TSPAN2: variants seen among roughly 807,000 people sequenced by gnomAD.
The protein encoded by TSPAN2 is tetraspanin-2.
TSPAN2 carries 24 observed loss-of-function variants against 33.3 expected under a neutral mutation model. The ratio of observed to expected loss-of-function variants is 0.72; its 90% CI spans 0.52 to 1.01. The LOEUF (loss-of-function observed/expected upper bound fraction) is 1.01, where lower values mean the gene tolerates loss of function less well. Among genes scored for constraint, TSPAN2 ranks in the 50% least tolerant of loss-of-function variants. The probability of loss-of-function intolerance (pLI) is 0.00; values close to 1 mark genes in which losing one functional copy is unlikely to be tolerated. For missense variants in TSPAN2, 278 were observed against 281.3 expected (o/e 0.99, Z 0.08); for synonymous variants, 114 against 104.5 (o/e 1.09, Z -0.56).
intron 1 of TSPAN2, among the ~76,000 whole-genome samples, chr1:115,075,444 C>G (rs12743321): frequency 6.6e-6 from 1 of 152,024 alleles, no homozygotes; most frequent in Non-Finnish European, 1.5e-5. Flanking sequence ...AGAGACAGGG[C>G]GATCACTGCT....
chr1:115,079,370 C>A lies in TSPAN2; in HGVS notation c.70-6363G>T, dbSNP rs138567359. Among the ~76,000 whole-genome samples the A allele has an allele frequency of 1.5e-3, 229 of 152,236 alleles. 1 individual carries two copies. Among genetic ancestry groups the A allele is most frequent in the East Asian group, 7.7e-4 (4 of 5,178 alleles). On this transcript the variant is annotated intron_variant, in intron 1 of 7. Transcript: ENST00000369516. ...TGGCAATTCTCATCCCCATTGGAAT[C>A]ACATAATGAGCACTTATGATTATTG...
At chr1:115,088,472 G>C (rs1648927247) in intron 1 of TSPAN2, among the ~76,000 whole-genome samples, 1 of 152,182 alleles carries the variant, frequency 6.6e-6, no homozygotes. Flanking sequence ...ACAATTTTCA[G>C]ACCTTGTCTC....
chr1:115,053,507 G>C, intron 6 of TSPAN2, 45 bp from the exon 7 acceptor site: 1 of 1,497,172 alleles, frequency 6.7e-7, no homozygotes. Flanking sequence ...GATTGTATGT[G>C]TCAGTCATTA....
chr1:115,061,666 AT>A (rs928100931), intron 3 of TSPAN2, among the ~76,000 whole-genome samples: 5 of 151,980 alleles, frequency 3.3e-5, no homozygotes, highest in African/African-American at 7.3e-5. Context: ...CAAAGATAAT[AT>A]TTTTTTTCTT....
intron 4 of TSPAN2, 42 bp downstream of exon 4, chr1:115,060,422 T>C (rs1242473730): frequency 1.4e-6 from 2 of 1,480,370 alleles, no homozygotes; most frequent in East Asian, 4.5e-5. Flanking sequence ...ATTCTAACAC[T>C]TTTAACCATC....
intron 4 of TSPAN2, among the ~76,000 whole-genome samples, chr1:115,059,474 T>C (rs1198630713): frequency 6.6e-6 from 1 of 152,220 alleles, no homozygotes; most frequent in East Asian, 1.9e-4. Context: ...GGGCCCCAGA[T>C]TCCTGGGCTC....
At chr1:115,059,167 T>C (rs59300194) in intron 4 of TSPAN2, among the ~76,000 whole-genome samples, 186 bp from the exon 5 acceptor site, 3,344 of 152,208 alleles carry the variant, frequency 0.022, 124 homozygotes, top group African/African-American at 0.075. Flanking sequence ...AGACTGCACA[T>C]TGGGTACAGT....
intron 1 of TSPAN2, 125 bp downstream of exon 1, chr1:115,089,239 G>C (rs531892302): frequency 2.8e-6 from 2 of 703,290 alleles, no homozygotes; most frequent in African/African-American, 3.7e-5. Context: ...TCGCCTCCGC[G>C]TTTGAGCACC....
rs1270544452 is a variant in TSPAN2 at position 115,062,216 on chromosome 1, A to C, written c.189T>G (p.Val63=). 6.3e-7 allele frequency: 1 copy of C among 1,592,528 alleles called. No individual in the cohort carries two copies. The highest frequency in any genetic ancestry group is 8.6e-7 in the Non-Finnish European group (1 of 1,169,270). ...CGGCCATCATCAGGGCCCCGGCTCC[A>C]ACCAGAACATACAGCCCTGTGGGGA... ...EYFYVGLYVL[V]GAGALMMAVG... Residue 63 remains valine (V), a synonymous_variant, in exon 3 of 8, where the codon GTT becomes GTG. Transcript: ENST00000369516.
At chr1:115,085,468 C>T (rs1375137969) in intron 1 of TSPAN2, among the ~76,000 whole-genome samples, 5 of 152,126 alleles carry the variant, frequency 3.3e-5, no homozygotes, top group African/African-American at 1.2e-4. Context: ...AGAACCTGTC[C>T]CACCTCTATG....
chr1:115,052,346 T>C (rs1455042874), intron 7 of TSPAN2, among the ~76,000 whole-genome samples: 1 of 152,166 alleles, frequency 6.6e-6, no homozygotes, highest in Non-Finnish European at 1.5e-5. Context: ...AGGCCATGAA[T>C]TAATCTACAT....
intron 4 of TSPAN2, 29 bp downstream of exon 4, chr1:115,060,435 A>G: frequency 6.5e-7 from 1 of 1,542,120 alleles, no homozygotes; most frequent in African/African-American, 1.4e-5. Flanking sequence ...TAACCATCAT[A>G]GAAAAACATT....
intron 4 of TSPAN2, among the ~76,000 whole-genome samples, chr1:115,060,059 C>T (rs1211700421): frequency 6.6e-6 from 1 of 152,118 alleles, no homozygotes; most frequent in Non-Finnish European, 1.5e-5. Flanking sequence ...AGGCTCTGCT[C>T]TTTGAGAATG....
chr1:115,082,034 G>T (rs1036729124), intron 1 of TSPAN2, among the ~76,000 whole-genome samples: 2 of 152,172 alleles, frequency 1.3e-5, no homozygotes, highest in African/African-American at 2.4e-5. Flanking sequence ...ATGAGTGAAA[G>T]AATAACTATA....
rs527242508 is a variant in TSPAN2, at chr1:115,049,029, C to T, written c.*1461G>A. 2 of 152,202 alleles carry T rather than the reference C, an allele frequency of 1.3e-5. No individual in the cohort carries two copies. Among genetic ancestry groups the T allele is most frequent in the South Asian group, 2.1e-4 (1 of 4,820 alleles). 9.4% of individuals were successfully genotyped at this position (152,202 alleles called of 1,614,324 possible). A position where few individuals can be genotyped will look rare whatever the true frequency, so the allele number is the denominator to read the frequency against. Reference sequence around the variant, plus strand: ...GCACACTCAAAGACTTGTGTTTTCACATGTATAGAAGTTCATCTGGGGGTT... The same window carrying T: ...GCACACTCAAAGACTTGTGTTTTCATATGTATAGAAGTTCATCTGGGGGTT... On this transcript the variant is annotated 3_prime_UTR_variant, in exon 8 of 8. Coordinates refer to ENST00000369516, the MANE Select transcript of TSPAN2 (RefSeq NM_005725.6).
Position 115,089,470 on chromosome 1 carries a change from CG to C in TSPAN2, c.-39del. ...CGGCGGGATCCCCAGTCCCCAGGCC[CG>C]CGCTACGAGCGCGGGGAGCGGCAGG... On this transcript the variant is annotated 5_prime_UTR_variant, in exon 1 of 8. Transcript: ENST00000369516. 7.0e-7 allele frequency: 1 copy of C among 1,423,874 alleles called. No individual in the cohort carries two copies. Among genetic ancestry groups the C allele is most frequent in the Admixed American group, 2.5e-5 (1 of 39,514 alleles). 88.2% of individuals were successfully genotyped at this position (1,423,874 alleles called of 1,614,324 possible). A position where few individuals can be genotyped will look rare whatever the true frequency, so the allele number is the denominator to read the frequency against.
intron 3 of TSPAN2, 92 bp from the exon 4 acceptor site, chr1:115,060,630 C>T (rs1049415787): frequency 3.0e-5 from 28 of 943,124 alleles, no homozygotes; most frequent in Non-Finnish European, 4.4e-5. Context: ...ATGGCTGAAT[C>T]GCTTTCATGT....
intron 1 of TSPAN2, among the ~76,000 whole-genome samples, chr1:115,073,905 G>A (rs536942266): frequency 3.3e-5 from 5 of 152,012 alleles, no homozygotes; most frequent in African/African-American, 7.3e-5. Context: ...TCATTGCTGC[G>A]TGCCAGCAGG....
chr1:115,080,622 A>C (rs975184434), intron 1 of TSPAN2, among the ~76,000 whole-genome samples: 2 of 152,234 alleles, frequency 1.3e-5, no homozygotes, highest in African/African-American at 4.8e-5. Context: ...GTCATAGACT[A>C]CTGGCTAAGG....
Sources: gnomAD v4.1 joint callset for allele counts (sites outside exome capture counted in the v4.1 genomes callset) on GRCh38, gnomAD v4.1.1 for gene constraint, MANE v1.5 for transcripts, NCBI Gene and HGNC (gene_info 2026-07-23, HGNC 2026-07-21) for gene names.